GYS2: variants seen among roughly 807,000 people sequenced by gnomAD.
The protein encoded by GYS2 is glycogen [starch] synthase, liver.
A neutral mutation model predicts 85.6 loss-of-function variants in GYS2; 80 were observed. The ratio of observed to expected loss-of-function variants is 0.93; its 90% confidence interval spans 0.78 to 1.13. The LOEUF is 1.13. Among genes scored for constraint, GYS2 ranks in the 50% most tolerant of loss-of-function variants. The probability of loss-of-function intolerance (pLI) is 0.00; values close to 1 mark genes in which losing one functional copy is unlikely to be tolerated. For missense variants in GYS2, 881 were observed against 854.9 expected (o/e 1.03, Z -0.38); for synonymous variants, 328 against 300.7 (o/e 1.09, Z -0.94).
Position 21,593,505 on chromosome 12 carries a change from T to C in GYS2, c.121+10967A>G, listed in dbSNP as rs1944662691. On this transcript the variant is annotated intron_variant, in intron 1 of 15. Transcript: ENST00000261195. ...TATGAACAACCATACACTAAAAAAC[T>C]GAAAAATCTAGAGGAAATTAATAAA... Among the ~76,000 whole-genome samples the C allele has an allele frequency of 3.3e-5, 5 of 151,730 alleles. No individual in the cohort carries two copies. The South Asian group carries it at 1.0e-3, about 32-fold the overall frequency.
At chr12:21,602,375 G>A (rs919515288) in intron 1 of GYS2, among the ~76,000 whole-genome samples, 3 of 152,004 alleles carry the variant, frequency 2.0e-5, no homozygotes, top group Admixed American at 6.6e-5. Context: ...TGAACTGGAG[G>A]AGTGGGATTC....
chr12:21,581,014 C>A (rs1439014893), intron 1 of GYS2, among the ~76,000 whole-genome samples: 4 of 152,184 alleles, frequency 2.6e-5, no homozygotes, highest in African/African-American at 9.7e-5. Flanking sequence ...ATGAAGAAAT[C>A]TCCTAAGCTA....
At chr12:21,539,141 T>G (rs1373156526) in intron 15 of GYS2, 117 bp downstream of exon 15, 1 of 692,816 alleles carries the variant, frequency 1.4e-6, no homozygotes, top group African/African-American at 1.8e-5. Context: ...TTGGTTTGAT[T>G]CAACATTATG....
chr12:21,565,647 CATA>C (rs1429863028), intron 5 of GYS2, among the ~76,000 whole-genome samples: 1 of 150,344 alleles, frequency 6.7e-6, no homozygotes, highest in East Asian at 1.9e-4. Flanking sequence ...TGTATTATTA[CATA>C]ATAAATTAGT....
At chr12:21,593,070 T>A (rs1944656956) in intron 1 of GYS2, among the ~76,000 whole-genome samples, 1 of 151,924 alleles carries the variant, frequency 6.6e-6, no homozygotes, top group Non-Finnish European at 1.5e-5. Flanking sequence ...AAATCAAAAA[T>A]TTTTTGAAAC....
chr12:21,584,689 T>C (rs181150956), intron 1 of GYS2, among the ~76,000 whole-genome samples: 5 of 152,328 alleles, frequency 3.3e-5, no homozygotes, highest in Non-Finnish European at 7.4e-5. Flanking sequence ...ATATTGGACC[T>C]CTTCCATCAT....
At chr12:21,568,725 G>C (rs537133848) in intron 5 of GYS2, 140 bp downstream of exon 5, 3 of 768,594 alleles carry the variant, frequency 3.9e-6, no homozygotes, top group Non-Finnish European at 7.0e-6. Flanking sequence ...CTGAAATTGA[G>C]AATTAAAATA....
intron 11 of GYS2, among the ~76,000 whole-genome samples, chr12:21,548,313 T>G (rs1034753463): frequency 7.9e-5 from 12 of 152,202 alleles, no homozygotes; most frequent in Non-Finnish European, 1.5e-4. Flanking sequence ...TTTCATTCTA[T>G]AAATACTCCC....
At chr12:21,555,475 G>A (rs1944167936) in intron 11 of GYS2, among the ~76,000 whole-genome samples, 1 of 151,934 alleles carries the variant, frequency 6.6e-6, no homozygotes, top group East Asian at 1.9e-4. Flanking sequence ...TAATGAAAGG[G>A]GCCCCATAGT....
At chr12:21,593,977 A>T (rs552347625) in intron 1 of GYS2, among the ~76,000 whole-genome samples, 1 of 152,302 alleles carries the variant, frequency 6.6e-6, no homozygotes, top group African/African-American at 2.4e-5. Context: ...GTGATACATC[A>T]CATCAACAAA....
chr12:21,565,416 T>C (rs1484460200), intron 5 of GYS2, among the ~76,000 whole-genome samples: 4 of 140,266 alleles, frequency 2.9e-5, no homozygotes, highest in Non-Finnish European at 4.6e-5. Context: ...TATATATATA[T>C]ATATATATAT....
At position 21,546,469 on chromosome 12, in the gene GYS2, AC is replaced by A. The variant is rs1410584838; in HGVS notation, c.1423del (p.Val475Ter). 1 of 1,592,660 alleles carries A rather than the reference AC, an allele frequency of 6.3e-7. No homozygotes were observed. ...LFNNRTDRVK[V>X]ILHPEFLSST... ...GGATAGAAACTCTGGGTGCAAAATC[AC>A]CTAAAAAAGGAAAATTCTAATTTAA... On this transcript the variant is annotated frameshift_variant and splice_region_variant, in exon 12 of 16. Coordinates refer to ENST00000261195, the MANE Select transcript of GYS2 (RefSeq NM_021957.4). LOFTEE classifies it high-confidence loss of function.
chr12:21,554,192 GAGGAAGGAAGGAAGTGAGCA>G (rs1298141710), intron 11 of GYS2, among the ~76,000 whole-genome samples: 5 of 151,636 alleles, frequency 3.3e-5, no homozygotes, highest in Non-Finnish European at 1.5e-5. Flanking sequence ...AAAAGGAAGT[GAGGAAGGAAGGAAGTGAGCA>G]AGGAAGGAAG....
In GYS2 at chr12:21,579,379, G is replaced by T. The variant is rs188521530; in HGVS notation, c.303+963C>A. On this transcript the variant is annotated intron_variant, in intron 2 of 15. Transcript: ENST00000261195. ...TTTTTTTTTTTTTTTTTGAGATGAA[G>T]TTTCACTTTTGTTGCCCAAGCAGGC... is the stretch of plus-strand genomic sequence containing the variant. 8.8e-3 allele frequency among the ~76,000 whole-genome samples: 870 copies of T among 99,184 alleles called. 7 individuals are homozygous for T. Among genetic ancestry groups the T allele is most frequent in the Middle Eastern group, 0.022 (2 of 92 alleles). 65.1% of individuals were successfully genotyped at this position (99,184 alleles called of 152,430 possible).
At chr12:21,545,969 T>G (rs1056842974) in intron 12 of GYS2, among the ~76,000 whole-genome samples, 4 of 152,216 alleles carry the variant, frequency 2.6e-5, no homozygotes, top group African/African-American at 9.6e-5. Context: ...TGCTAGACTA[T>G]TATTTATTAT....
At chr12:21,537,348 C>T in intron 15 of GYS2, 173 bp from the exon 16 acceptor site, 1 of 645,302 alleles carries the variant, frequency 1.5e-6, no homozygotes, top group Non-Finnish European at 2.8e-6. Context: ...AAGAGGGATT[C>T]ATTCAATATA....
chr12:21,540,335 A>G lies in GYS2; in HGVS notation c.1809+75T>C, dbSNP rs111439117. On this transcript the variant is annotated intron_variant, in intron 14 of 15. Transcript: ENST00000261195. ...TAATATTGGATTAACTTTAGAGATT[A>G]TGACTAGAATCAATATGTTTATAGT... The G allele has an allele frequency of 4.7e-5, 55 of 1,171,056 alleles. No homozygotes were observed. In the African/African-American group the frequency reaches 5.0e-4, roughly 11 times the overall value. The allele number at this position is 1,171,056 out of a possible 1,614,324, so 72.5% of individuals were successfully genotyped here. A position where few individuals can be genotyped will look rare whatever the true frequency, so the allele number is the denominator to read the frequency against.
chr12:21,559,238 A>C (rs1048386349), intron 9 of GYS2, 69 bp from the exon 10 acceptor site: 1 of 763,184 alleles, frequency 1.3e-6, no homozygotes, highest in African/African-American at 1.7e-5. Flanking sequence ...CCTAAGCATC[A>C]GATTATATAT....
chr12:21,593,003 G>A (rs919964380), intron 1 of GYS2, among the ~76,000 whole-genome samples: 3 of 151,692 alleles, frequency 2.0e-5, no homozygotes, highest in Admixed American at 6.6e-5. Flanking sequence ...ACAAATACAT[G>A]GAAATTAAAC....
Sources: allele counts gnomAD v4.1 joint callset (sites outside exome capture counted in the v4.1 genomes callset), GRCh38; gene constraint gnomAD v4.1.1; transcripts MANE v1.5; gene names NCBI Gene and HGNC (gene_info 2026-07-23, HGNC 2026-07-21).